Variants in MAML2 observed in about 807,000 individuals in gnomAD.
MAML2 encodes the protein mastermind-like protein 2.
A neutral mutation model predicts 96.1 loss-of-function variants in MAML2; 22 were observed. The observed-to-expected ratio is 0.23, with a 90% CI of 0.16 to 0.33. The LOEUF (loss-of-function observed/expected upper bound fraction) is 0.33, where lower values mean the gene tolerates loss of function less well. MAML2 is among the 10% of genes least tolerant of loss of function. MAML2 has a pLI of 1.00. For missense variants in MAML2, 1,367 were observed against 1,392.4 expected, an observed-to-expected ratio of 0.98 and a Z score of 0.29; for synonymous variants, 561 against 521.3, an observed-to-expected ratio of 1.08 and a Z score of -1.04.
intron 1 of MAML2, among the ~76,000 whole-genome samples, chr11:96,212,503 C>A (rs1168514305): frequency 6.6e-6 from 1 of 152,174 alleles, no homozygotes; most frequent in Non-Finnish European, 1.5e-5. Context: ...ATGACTTATG[C>A]ACCAACTTAA....
intron 2 of MAML2, among the ~76,000 whole-genome samples, chr11:96,089,514 A>G (rs553286258): frequency 2.0e-5 from 3 of 152,340 alleles, no homozygotes; most frequent in African/African-American, 4.8e-5. Flanking sequence ...CTGTGTTGGT[A>G]ATAATCTACC....
chr11:96,052,836 A>G (rs1859008410), intron 2 of MAML2, among the ~76,000 whole-genome samples: 1 of 152,234 alleles, frequency 6.6e-6, no homozygotes, highest in Non-Finnish European at 1.5e-5. Context: ...TTAGATTCTG[A>G]AACATTGAGT....
chr11:96,309,857 G>A (rs979258100), intron 1 of MAML2, among the ~76,000 whole-genome samples: 10 of 151,850 alleles, frequency 6.6e-5, no homozygotes, highest in African/African-American at 2.4e-4. Context: ...ATGCCACCAC[G>A]CCCAGCTAAT....
intron 2 of MAML2, among the ~76,000 whole-genome samples, chr11:96,025,570 T>G (rs1037111457): frequency 2.6e-5 from 4 of 152,244 alleles, no homozygotes; most frequent in South Asian, 2.1e-4. Context: ...TTATTATTAT[T>G]TGAGATGGAG....
intron 1 of MAML2, among the ~76,000 whole-genome samples, chr11:96,231,047 C>T (rs1022686851): frequency 1.3e-5 from 2 of 150,400 alleles, no homozygotes; most frequent in African/African-American, 4.9e-5. Context: ...TAATGACAAG[C>T]GAATAGATGT....
intron 1 of MAML2, among the ~76,000 whole-genome samples, chr11:96,270,753 C>A (rs186172208): frequency 6.6e-6 from 1 of 152,288 alleles, no homozygotes; most frequent in Admixed American, 6.5e-5. Context: ...CCCTCCAGTA[C>A]CTTCCTGTAA....
intron 1 of MAML2, among the ~76,000 whole-genome samples, chr11:96,277,398 A>G (rs1235656899): frequency 6.6e-6 from 1 of 152,092 alleles, no homozygotes; most frequent in Non-Finnish European, 1.5e-5. Context: ...CTCTTCCATT[A>G]CTTTGAAATA....
intron 1 of MAML2, among the ~76,000 whole-genome samples, chr11:96,134,477 T>C (rs966865276): frequency 2.0e-5 from 3 of 152,248 alleles, no homozygotes; most frequent in African/African-American, 7.2e-5. Context: ...TTCAGGATTC[T>C]GGGATTATTT....
Position 96,295,728 on chromosome 11 carries a change from G to A in MAML2, c.513+45655C>T, listed in dbSNP as rs77422149. On this transcript the variant is annotated intron_variant, in intron 1 of 4. Transcript: ENST00000524717. ...CACACACACTTGCATGAACATAAAT[G>A]TATATGAACATACATGTACCATAGT... Among the ~76,000 whole-genome samples the A allele has an allele frequency of 1.6e-3, 198 of 127,186 alleles. 2 individuals are homozygous for A. The East Asian group carries it at 0.038, about 25-fold the overall frequency. 83.4% of individuals were successfully genotyped at this position (127,186 alleles called of 152,430 possible).
chr11:96,076,522 C>T (rs910241223), intron 2 of MAML2, among the ~76,000 whole-genome samples: 7 of 151,938 alleles, frequency 4.6e-5, no homozygotes, highest in Non-Finnish European at 7.4e-5. Context: ...TTCCTCCACT[C>T]GGATGGGCTG....
At chr11:96,197,591 A>T (rs956424866) in intron 1 of MAML2, among the ~76,000 whole-genome samples, 2 of 152,142 alleles carry the variant, frequency 1.3e-5, no homozygotes, top group South Asian at 2.1e-4. Context: ...CTTAACCTGT[A>T]TCTCCCTTCA....
intron 2 of MAML2, among the ~76,000 whole-genome samples, chr11:96,043,440 G>T (rs1590978211): frequency 6.6e-6 from 1 of 152,184 alleles, no homozygotes; most frequent in East Asian, 1.9e-4. Context: ...TGCCATCTGG[G>T]CTACAGAGAA....
At chr11:96,323,493 A>AC (rs935967122) in intron 1 of MAML2, among the ~76,000 whole-genome samples, 8 of 151,798 alleles carry the variant, frequency 5.3e-5, no homozygotes, top group African/African-American at 1.9e-4. Context: ...GAAAAAAAAA[A>AC]AAACCCATCT....
chr11:96,208,272 A>G (rs1323310083), intron 1 of MAML2, among the ~76,000 whole-genome samples: 1 of 152,184 alleles, frequency 6.6e-6, no homozygotes, highest in African/African-American at 2.4e-5. Context: ...TAGCTTCCCA[A>G]TTACAAAAGC....
chr11:96,163,255 C>T (rs1861142262), intron 1 of MAML2, among the ~76,000 whole-genome samples: 1 of 152,172 alleles, frequency 6.6e-6, no homozygotes, highest in African/African-American at 2.4e-5. Context: ...ATGTGTTCAT[C>T]TCTCATTCCC....
At chr11:96,217,929 T>C (rs1163628080) in intron 1 of MAML2, among the ~76,000 whole-genome samples, 1 of 152,164 alleles carries the variant, frequency 6.6e-6, no homozygotes, top group East Asian at 1.9e-4. Flanking sequence ...TGGTAATCTA[T>C]GGGAATCATG....
At chr11:96,140,826 C>A (rs1235609715) in intron 1 of MAML2, among the ~76,000 whole-genome samples, 1 of 152,164 alleles carries the variant, frequency 6.6e-6, no homozygotes, top group Non-Finnish European at 1.5e-5. Flanking sequence ...ATACACTTGA[C>A]TGGCTCCATT....
chr11:96,091,858 G>A lies in MAML2; in HGVS notation c.2139+34C>T, dbSNP rs1859711072. ...ATAAAGATCAAGCTAAATGGTCTCT[G>A]GGAACTCTGTATTTGGAGTAGTAGA... On this transcript the variant is annotated intron_variant, in intron 2 of 4. Coordinates refer to ENST00000524717, the MANE Select transcript of MAML2 (RefSeq NM_032427.4). The A allele has an allele frequency of 1.9e-6, 3 of 1,592,182 alleles. No homozygotes were observed. In the East Asian group the frequency reaches 6.7e-5, roughly 36 times the overall value.
intron 1 of MAML2, among the ~76,000 whole-genome samples, chr11:96,214,390 C>T (rs1161502172): frequency 6.6e-6 from 1 of 152,184 alleles, no homozygotes; most frequent in Non-Finnish European, 1.5e-5. Context: ...GTTTTCAAAA[C>T]ATCTGTAAGA....
Sources: allele counts gnomAD v4.1 joint callset (sites outside exome capture counted in the v4.1 genomes callset), GRCh38; gene constraint gnomAD v4.1.1; transcripts MANE v1.5; gene names NCBI Gene and HGNC (gene_info 2026-07-23, HGNC 2026-07-21).